RBFOX1: variants seen among roughly 807,000 people sequenced by gnomAD.
The protein encoded by RBFOX1 is RNA binding protein fox-1 homolog 1.
RBFOX1 carries 8 observed loss-of-function variants against 57.7 expected under a neutral mutation model. That is an observed-to-expected ratio of 0.14 (90% CI 0.08 to 0.25). RBFOX1 has a LOEUF of 0.25. Among genes scored for constraint, RBFOX1 ranks in the 10% least tolerant of loss-of-function variants. RBFOX1 has a pLI of 1.00. For synonymous variants in RBFOX1, 326 were observed against 222.4 expected (o/e 1.47, Z -4.15); for missense variants, 611 against 548.5 (o/e 1.11, Z -1.14).
At chr16:6,914,557 C>T (rs1233815398) in intron 3 of RBFOX1, among the ~76,000 whole-genome samples, 1 of 129,980 alleles carries the variant, frequency 7.7e-6, no homozygotes, top group South Asian at 2.3e-4. Context: ...CAGAAGAAAA[C>T]AAAAATAAAA....
intron 1 of RBFOX1, among the ~76,000 whole-genome samples, chr16:5,344,089 A>T (rs2065090289): frequency 6.6e-6 from 1 of 152,234 alleles, no homozygotes; most frequent in Non-Finnish European, 1.5e-5. Context: ...TTTTCGGAGA[A>T]ATAAAGGTAT....
rs2090695099 is a variant in RBFOX1 at position 6,818,871 on chromosome 16, A to G, written c.-16+164221A>G. ...AGTCCAATGAGATTAAATCTCAGGA[A>G]TTTACATGGAATTCTTTGGAAAGAG... On this transcript the variant is annotated intron_variant, in intron 3 of 15. Coordinates refer to ENST00000550418, the MANE Select transcript of RBFOX1 (RefSeq NM_018723.4). 5.3e-5 allele frequency among the ~76,000 whole-genome samples: 8 copies of G among 152,308 alleles called. 1 individual carries two copies. The South Asian group carries it at 1.7e-3, about 32-fold the overall frequency.
rs117292131 is a variant in RBFOX1 at position 6,688,783 on chromosome 16, C to G, written c.-16+34133C>G. 1.7e-3 allele frequency among the ~76,000 whole-genome samples: 262 copies of G among 152,246 alleles called. No homozygotes were observed. The East Asian group carries it at 0.031, about 18-fold the overall frequency. On this transcript the variant is annotated intron_variant, in intron 3 of 15. Coordinates refer to ENST00000550418, the MANE Select transcript of RBFOX1 (RefSeq NM_018723.4). ...AGGTATTTCTCCTAATGCCATCCTT[C>G]CCTAGCCCACCACCTCCCGACAGGC...
At chr16:6,439,634 A>C (rs1167421810) in intron 2 of RBFOX1, among the ~76,000 whole-genome samples, 2 of 152,084 alleles carry the variant, frequency 1.3e-5, no homozygotes. Flanking sequence ...CCGAACCACT[A>C]TTCTCTCCTG....
At chr16:7,292,151 A>G (rs1276278391) in intron 4 of RBFOX1, among the ~76,000 whole-genome samples, 3 of 131,504 alleles carry the variant, frequency 2.3e-5, no homozygotes, top group East Asian at 2.1e-4. Flanking sequence ...TATGATATAT[A>G]ATATAGAACG....
At chr16:7,150,225 C>T (rs1380286762) in intron 4 of RBFOX1, among the ~76,000 whole-genome samples, 3 of 152,192 alleles carry the variant, frequency 2.0e-5, no homozygotes, top group Non-Finnish European at 1.5e-5. Context: ...TATTGGCTGG[C>T]AACCATTTAA....
intron 4 of RBFOX1, among the ~76,000 whole-genome samples, chr16:7,065,242 C>G (rs1435746727): frequency 2.0e-5 from 3 of 152,150 alleles, no homozygotes; most frequent in African/African-American, 4.8e-5. Context: ...TTGCTTCTAT[C>G]TAGCTTTCTT....
chr16:6,765,462 G>A (rs772517679), intron 3 of RBFOX1, among the ~76,000 whole-genome samples: 10 of 152,040 alleles, frequency 6.6e-5, no homozygotes, highest in African/African-American at 1.9e-4. Context: ...AATAATCTGT[G>A]GAACATACCC....
chr16:5,795,394 T>C (rs1324993002), intron 3 of RBFOX1, among the ~76,000 whole-genome samples: 2 of 152,034 alleles, frequency 1.3e-5, no homozygotes, highest in African/African-American at 4.8e-5. Flanking sequence ...GTGTCAATCT[T>C]CTGGGCTCAA....
At chr16:7,620,349 A>G (rs904816389) in intron 10 of RBFOX1, among the ~76,000 whole-genome samples, 2 of 152,244 alleles carry the variant, frequency 1.3e-5, no homozygotes, top group African/African-American at 2.4e-5. Flanking sequence ...AGTCAACTCA[A>G]CTTCCAGTCA....
chr16:5,653,096 T>G (rs1012041405), intron 3 of RBFOX1, among the ~76,000 whole-genome samples: 1 of 151,764 alleles, frequency 6.6e-6, no homozygotes, highest in African/African-American at 2.4e-5. Context: ...CTGAGTTGTG[T>G]GCTGGGCCTT....
At chr16:6,235,310 C>G (rs1286008095) in intron 1 of RBFOX1, among the ~76,000 whole-genome samples, 2 of 152,126 alleles carry the variant, frequency 1.3e-5, no homozygotes, top group Non-Finnish European at 2.9e-5. Context: ...TACTTACTTT[C>G]CACCTATTCA....
intron 1 of RBFOX1, among the ~76,000 whole-genome samples, chr16:6,151,207 C>G (rs932145569): frequency 2.6e-5 from 4 of 152,144 alleles, no homozygotes; most frequent in African/African-American, 7.2e-5. Context: ...GGTGTTCTCC[C>G]AAGTTTGTGG....
At chr16:7,567,420 C>CCTATGTATGGCCCTATATATATATATTG (rs1567866592) in intron 5 of RBFOX1, among the ~76,000 whole-genome samples, 19 of 69,918 alleles carry the variant, frequency 2.7e-4, no homozygotes, top group East Asian at 6.4e-4. Context: ...TATATATATC[C>CCTATGTATGGCCCTATATATATATATTG]CTATGTATGG....
intron 4 of RBFOX1, among the ~76,000 whole-genome samples, chr16:7,310,446 A>C (rs2096282258): frequency 6.6e-6 from 1 of 152,164 alleles, no homozygotes; most frequent in South Asian, 2.1e-4. Context: ...AGAGAAGGAG[A>C]AGATGTTGAT....
chr16:6,541,635 G>T (rs564732506), intron 2 of RBFOX1, among the ~76,000 whole-genome samples: 2 of 152,180 alleles, frequency 1.3e-5, no homozygotes, highest in Non-Finnish European at 2.9e-5. Context: ...AAAAATCTCA[G>T]TGACACCTAG....
chr16:5,982,352 C>T (rs1384061444), intron 4 of RBFOX1, among the ~76,000 whole-genome samples: 1 of 152,070 alleles, frequency 6.6e-6, no homozygotes, highest in Non-Finnish European at 1.5e-5. Context: ...GGGCTCACTG[C>T]AACCTCCGCC....
At position 7,712,381 on chromosome 16, in the gene RBFOX1, C is replaced by G. The variant is rs2084129817; in HGVS notation, c.*1636C>G. ...CCGCTGTAACAACTCTGCTTTAAAA[C>G]AAAACCAAACAAAACTTTAAAAAAA... On this transcript the variant is annotated 3_prime_UTR_variant, in exon 16 of 16. Transcript: ENST00000550418. 1 of 152,582 alleles carries G rather than the reference C, an allele frequency of 6.6e-6. No individual in the cohort carries two copies. The highest frequency in any genetic ancestry group is 6.5e-5 in the Admixed American group (1 of 15,270). 9.5% of individuals were successfully genotyped at this position (152,582 alleles called of 1,614,324 possible).
At chr16:7,237,923 G>A (rs958105966) in intron 4 of RBFOX1, among the ~76,000 whole-genome samples, 1 of 152,206 alleles carries the variant, frequency 6.6e-6, no homozygotes, top group Non-Finnish European at 1.5e-5. Flanking sequence ...AGAATTGCTT[G>A]AACCCTGGAG....
Sources: allele counts gnomAD v4.1 joint callset (sites outside exome capture counted in the v4.1 genomes callset), GRCh38; gene constraint gnomAD v4.1.1; transcripts MANE v1.5; gene names NCBI Gene and HGNC (gene_info 2026-07-23, HGNC 2026-07-21).